RABL6: variants seen among roughly 807,000 people sequenced by gnomAD.
RABL6 encodes RAB, member RAS oncogene family like 6, also known as rab-like protein 6.
RABL6 carries 28 observed loss-of-function variants against 72.9 expected under a neutral mutation model. That is an observed-to-expected ratio of 0.38 (90% CI 0.28 to 0.53). RABL6 has a LOEUF of 0.53. RABL6 is among the 20% of genes least tolerant of loss of function. The pLI is 0.80. For missense variants in RABL6, 1,029 were observed against 1,008.4 expected (o/e 1.02, Z -0.28); for synonymous variants, 477 against 421.2 (o/e 1.13, Z -1.62).
At chr9:136,832,022 G>A (rs560851510) in intron 6 of RABL6, 161 bp downstream of exon 6, 37 of 1,160,426 alleles carry the variant, frequency 3.2e-5, no homozygotes, top group Middle Eastern at 3.0e-4. Flanking sequence ...GGGTCTCCCC[G>A]ATGGCAGGGC....
intron 1 of RABL6, chr9:136,821,346 G>A (rs1019915477): frequency 2.0e-6 from 2 of 985,320 alleles, no homozygotes; most frequent in Non-Finnish European, 2.4e-6. Context: ...GGAAAGACCC[G>A]GAGACGGGAC....
chr9:136,841,066 G>T lies in RABL6; in HGVS notation c.*544G>T. The T allele has an allele frequency of 7.1e-7, 1 of 1,415,230 alleles. No individual in the cohort carries two copies. The highest frequency in any genetic ancestry group is 9.2e-7 in the Non-Finnish European group (1 of 1,086,248). 87.7% of individuals were successfully genotyped at this position (1,415,230 alleles called of 1,614,324 possible). ...CATGTGAGGCCTCTCCTGGGAGTGG[G>T]GGTTGTGTTTCCCACAGTGGCCTCA... On this transcript the variant is annotated 3_prime_UTR_variant, in exon 15 of 15. Coordinates refer to ENST00000311502, the MANE Select transcript of RABL6 (RefSeq NM_024718.5).
At chr9:136,813,390 T>C in intron 1 of RABL6, 1 of 945,316 alleles carries the variant, frequency 1.1e-6, no homozygotes, top group Non-Finnish European at 1.6e-6. Context: ...GTAGGAGAGG[T>C]TGCTTAAACC....
chr9:136,840,019 T>G, intron 13 of RABL6, 135 bp from the exon 14 acceptor site: 1 of 1,475,758 alleles, frequency 6.8e-7, no homozygotes, highest in Non-Finnish European at 9.4e-7. Context: ...ATGTTTGCAG[T>G]GTGGTCCTGT....
intron 1 of RABL6, among the ~76,000 whole-genome samples, chr9:136,818,441 A>G (rs1406722993): frequency 1.4e-5 from 2 of 145,150 alleles, no homozygotes; most frequent in Non-Finnish European, 3.0e-5. Flanking sequence ...ATATGTGGTG[A>G]AAATGAAATA....
intron 1 of RABL6, 22 bp downstream of exon 1, chr9:136,808,348 G>A (rs781513437): frequency 1.3e-6 from 2 of 1,494,942 alleles, no homozygotes; most frequent in Non-Finnish European, 1.8e-6. Context: ...GGGCCGGGGG[G>A]GCGCGGGAGC....
intron 1 of RABL6, chr9:136,821,616 G>T (rs1848239366): frequency 1.3e-5 from 13 of 987,526 alleles, no homozygotes; most frequent in Non-Finnish European, 1.6e-5. Context: ...CCGGGTTCCT[G>T]CCTCGGGCCG....
chr9:136,818,061 C>CAAAAA (rs35850059), intron 1 of RABL6, among the ~76,000 whole-genome samples: 6 of 78,474 alleles, frequency 7.6e-5, no homozygotes, highest in East Asian at 3.4e-4. Context: ...GACTCCATCT[C>CAAAAA]AAAAAAAAAA....
intron 3 of RABL6, 85 bp downstream of exon 3, chr9:136,825,911 A>G: frequency 2.0e-6 from 3 of 1,473,274 alleles, no homozygotes; most frequent in South Asian, 2.3e-5. Flanking sequence ...CCCGGCGCCC[A>G]TGCATCACCC....
intron 1 of RABL6, among the ~76,000 whole-genome samples, chr9:136,818,579 T>TA (rs199502204): frequency 4.6e-4 from 70 of 150,766 alleles, no homozygotes; most frequent in East Asian, 2.1e-3. Context: ...CCATCTCTAC[T>TA]AAAAAAAATA....
rs1322489614 is a variant in RABL6, at chr9:136,808,323, A to G, written c.127A>G (p.Asn43Asp). 6.5e-7 allele frequency: 1 copy of G among 1,533,722 alleles called. No homozygotes were observed. Among genetic ancestry groups the G allele is most frequent in the Non-Finnish European group, 8.8e-7 (1 of 1,141,672 alleles). The change falls in exon 1 of 15, where the codon AAC becomes GAC. Residue 43 changes from asparagine to aspartate, a missense_variant. Around this residue, in one of 2 missense-constraint regions of RABL6, gnomAD observed 434 missense variants for 536.1 expected, o/e 0.81. Transcript: ENST00000311502. ...GCGCTTCGCCAAGGGGGTGCAGTAC[A>G]ACAGTGAGTGCGGCGGGCCGGGGGG... ...QRRFAKGVQY[N>D]MKIVIRGDRN...
chr9:136,819,054 G>A (rs576784548), intron 1 of RABL6, among the ~76,000 whole-genome samples: 1 of 152,286 alleles, frequency 6.6e-6, no homozygotes, highest in African/African-American at 2.4e-5. Context: ...CGGGCGCGGT[G>A]GCTCACGCCT....
rs918964735 is a variant in RABL6, at chr9:136,840,593, G to A, written c.*71G>A. The A allele has an allele frequency of 6.5e-7, 1 of 1,549,250 alleles. No homozygotes were observed. Among genetic ancestry groups the A allele is most frequent in the Non-Finnish European group, 8.7e-7 (1 of 1,146,830 alleles). On this transcript the variant is annotated 3_prime_UTR_variant, in exon 15 of 15. Coordinates refer to ENST00000311502, the MANE Select transcript of RABL6 (RefSeq NM_024718.5). ...ACTGCCTGGGGAGGCATTTGCCTCT[G>A]TACCATCGCCTTTGCCGCTGCCCCG...
At position 136,810,598 on chromosome 9, in the gene RABL6, G is replaced by A. The variant is rs186587265; in HGVS notation, c.130+2272G>A. 7.2e-4 allele frequency among the ~76,000 whole-genome samples: 110 copies of A among 152,254 alleles called. 4 individuals are homozygous for A. In the East Asian group the frequency reaches 0.02, roughly 27 times the overall value. The stretch of plus-strand genomic sequence containing the variant: ...GCTGTGTCTCCCAGGCTGGAGTGCA[G>A]TGGCGTGATCTCAGCTCACTGCAAG... On this transcript the variant is annotated intron_variant, in intron 1 of 14. Transcript: ENST00000311502.
At chr9:136,823,450 T>C in intron 1 of RABL6, 75 bp from the exon 2 acceptor site, 2 of 1,567,328 alleles carry the variant, frequency 1.3e-6, no homozygotes, top group Non-Finnish European at 1.7e-6. Context: ...CGGCTCTCCT[T>C]GTAGTTGCTC....
intron 5 of RABL6, among the ~76,000 whole-genome samples, chr9:136,830,367 C>T (rs761250016): frequency 1.3e-5 from 2 of 152,266 alleles, no homozygotes; most frequent in South Asian, 4.1e-4. Flanking sequence ...TTTGCCAATG[C>T]TGGGAACCAT....
intron 13 of RABL6, 29 bp from the exon 14 acceptor site, chr9:136,840,125 T>G (rs1465272135): frequency 1.2e-6 from 2 of 1,612,776 alleles, no homozygotes; most frequent in Non-Finnish European, 1.7e-6. Context: ...TGGCCTGAGT[T>G]TGAGCCACTG....
intron 13 of RABL6, 69 bp from the exon 14 acceptor site, chr9:136,840,085 A>G (rs1209916807): frequency 3.1e-6 from 5 of 1,600,204 alleles, no homozygotes; most frequent in Non-Finnish European, 4.3e-6. Flanking sequence ...GTTTCTAGAG[A>G]AGTCCTGTCA....
intron 1 of RABL6, chr9:136,808,651 A>G (rs1348605124): frequency 6.5e-6 from 1 of 153,090 alleles, no homozygotes; most frequent in African/African-American, 2.5e-5. Context: ...TGATTACATA[A>G]TGCCAAGCAG....
Sources: allele counts gnomAD v4.1 joint callset (sites outside exome capture counted in the v4.1 genomes callset), GRCh38; gene constraint gnomAD v4.1.1; regional missense constraint gnomAD v4.1.1; transcripts MANE v1.5; gene names NCBI Gene and HGNC (gene_info 2026-07-23, HGNC 2026-07-21).